EPHB1: variants seen among roughly 807,000 people sequenced by gnomAD.
EPHB1 encodes the protein ephrin type-B receptor 1.
In EPHB1, 30 loss-of-function variants were observed where a neutral mutation model predicts 94.4. That is an observed-to-expected ratio of 0.32 (90% CI 0.24 to 0.43). The LOEUF is 0.43. Ranked by LOEUF, EPHB1 falls within the 20% of genes least tolerant of loss-of-function variation. EPHB1 has a pLI of 1.00. For missense variants in EPHB1, 1,055 were observed against 1,308.3 expected (o/e 0.81, Z 2.99); for synonymous variants, 522 against 489.1 (o/e 1.07, Z -0.89).
At chr3:135,018,204 T>C (rs1252623696) in intron 3 of EPHB1, among the ~76,000 whole-genome samples, 1 of 152,180 alleles carries the variant, frequency 6.6e-6, no homozygotes, top group Non-Finnish European at 1.5e-5. Flanking sequence ...TCATCCCATC[T>C]TCCCCATGTT....
intron 12 of EPHB1, among the ~76,000 whole-genome samples, chr3:135,224,824 C>A (rs1319992515): frequency 6.6e-6 from 1 of 152,178 alleles, no homozygotes; most frequent in African/African-American, 2.4e-5. Context: ...TGCTTAGAAA[C>A]CCAACCTAAT....
intron 4 of EPHB1, among the ~76,000 whole-genome samples, chr3:135,118,369 T>C (rs1345071631): frequency 6.6e-6 from 1 of 152,240 alleles, no homozygotes; most frequent in Non-Finnish European, 1.5e-5. Context: ...TGCTACAGTT[T>C]AGGCCCTGTG....
intron 2 of EPHB1, 131 bp downstream of exon 2, chr3:134,926,011 T>A: frequency 1.4e-6 from 1 of 717,354 alleles, no homozygotes; most frequent in Non-Finnish European, 2.2e-6. Flanking sequence ...CTGTGTCCAC[T>A]GCCCATCCAT....
intron 1 of EPHB1, among the ~76,000 whole-genome samples, chr3:134,841,981 T>G (rs2036786687): frequency 6.6e-6 from 1 of 152,218 alleles, no homozygotes; most frequent in Non-Finnish European, 1.5e-5. Flanking sequence ...CACACATTGT[T>G]GCAGTGGTGC....
intron 12 of EPHB1, among the ~76,000 whole-genome samples, chr3:135,237,761 C>T (rs1364368323): frequency 6.6e-6 from 1 of 152,216 alleles, no homozygotes; most frequent in African/African-American, 2.4e-5. Flanking sequence ...TGATATTCCT[C>T]ACCACCCAAT....
intron 3 of EPHB1, among the ~76,000 whole-genome samples, chr3:135,013,757 C>T (rs1278911070): frequency 6.6e-6 from 1 of 152,220 alleles, no homozygotes; most frequent in Non-Finnish European, 1.5e-5. Context: ...GTTACAACTG[C>T]AACAGTGTTT....
chr3:135,239,718 C>T (rs891236328), intron 12 of EPHB1, among the ~76,000 whole-genome samples: 1 of 152,192 alleles, frequency 6.6e-6, no homozygotes, highest in Non-Finnish European at 1.5e-5. Context: ...GCTCTATGCT[C>T]ACCTCCCATT....
chr3:135,080,128 T>C (rs2107786515), intron 3 of EPHB1, among the ~76,000 whole-genome samples: 1 of 152,310 alleles, frequency 6.6e-6, no homozygotes, highest in Non-Finnish European at 1.5e-5. Context: ...GCCTGCGCAC[T>C]TCTCCCTAGC....
rs1301521211 is a variant in EPHB1 at position 135,248,024 on chromosome 3, ACT to A, written c.2497-291_2497-290del. On this transcript the variant is annotated intron_variant, in intron 13 of 15. Coordinates refer to ENST00000398015, the MANE Select transcript of EPHB1 (RefSeq NM_004441.5). The stretch of plus-strand genomic sequence containing the variant: ...AAGAGCGGAGATGCTCAAGCTGTTC[ACT>A]GGCTCATTCTTCAACAAACATTTAC... Among the ~76,000 whole-genome samples, 22 of 152,180 alleles carry A rather than the reference ACT, an allele frequency of 1.4e-4. 1 individual carries two copies. Among genetic ancestry groups the A allele is most frequent in the Admixed American group, 1.4e-3 (21 of 15,272 alleles).
chr3:135,218,029 T>G (rs1943196330), intron 12 of EPHB1, among the ~76,000 whole-genome samples: 1 of 152,124 alleles, frequency 6.6e-6, no homozygotes. Flanking sequence ...CTCTTCTGAT[T>G]CATGGCCTGC....
intron 1 of EPHB1, among the ~76,000 whole-genome samples, chr3:134,871,494 A>C: frequency 6.6e-6 from 1 of 152,100 alleles, no homozygotes; most frequent in East Asian, 1.9e-4. Flanking sequence ...CCAGAGACAA[A>C]CCAAGTAGAT....
intron 10 of EPHB1, among the ~76,000 whole-genome samples, chr3:135,190,850 C>A (rs948121378): frequency 5.3e-5 from 8 of 152,132 alleles, no homozygotes; most frequent in African/African-American, 1.7e-4. Flanking sequence ...TGCTATGTGC[C>A]AAGCACCACA....
chr3:134,919,841 G>GGTGTGTGTGTGT (rs10663205), intron 1 of EPHB1, among the ~76,000 whole-genome samples: 3 of 149,666 alleles, frequency 2.0e-5, no homozygotes, highest in African/African-American at 7.4e-5. Flanking sequence ...TTAGGGCAGG[G>GGTGTGTGTGTGT]GTGTGTGTGT....
chr3:135,048,259 CTTTTTTTTT>C (rs34135757), intron 3 of EPHB1, among the ~76,000 whole-genome samples: 3 of 55,208 alleles, frequency 5.4e-5, no homozygotes, highest in African/African-American at 7.2e-5. Context: ...TTTCTTTTTT[CTTTTTTTTT>C]TTTTTTTTTT....
chr3:135,090,208 G>A (rs943394641), intron 3 of EPHB1, among the ~76,000 whole-genome samples: 1 of 152,118 alleles, frequency 6.6e-6, no homozygotes, highest in Non-Finnish European at 1.5e-5. Flanking sequence ...TGATCTCCAG[G>A]GATCCAGTGC....
At chr3:135,168,383 T>G (rs1199494475) in intron 9 of EPHB1, among the ~76,000 whole-genome samples, 4 of 152,232 alleles carry the variant, frequency 2.6e-5, no homozygotes, top group Non-Finnish European at 5.9e-5. Flanking sequence ...TATTCCTCTT[T>G]CTTTCTCTCC....
intron 1 of EPHB1, among the ~76,000 whole-genome samples, chr3:134,803,649 C>A (rs2035975090): frequency 6.6e-6 from 1 of 152,188 alleles, no homozygotes; most frequent in South Asian, 2.1e-4. Context: ...GTCCCCATAT[C>A]CTTTGTATCT....
chr3:135,056,825 T>G (rs1247230196), intron 3 of EPHB1, among the ~76,000 whole-genome samples: 1 of 152,118 alleles, frequency 6.6e-6, no homozygotes, highest in Non-Finnish European at 1.5e-5. Flanking sequence ...GGGACACTTG[T>G]AAGCAGAGCC....
intron 2 of EPHB1, among the ~76,000 whole-genome samples, chr3:134,930,583 C>T (rs1274005935): frequency 3.9e-5 from 6 of 152,182 alleles, no homozygotes; most frequent in Admixed American, 6.5e-5. Context: ...GACCTCTAGG[C>T]AGTGGGGAGT....
Sources: allele counts gnomAD v4.1 joint callset (sites outside exome capture counted in the v4.1 genomes callset), GRCh38; gene constraint gnomAD v4.1.1; transcripts MANE v1.5; gene names NCBI Gene and HGNC (gene_info 2026-07-23, HGNC 2026-07-21).